Variants in UNC119B observed in about 807,000 individuals in gnomAD.
UNC119B encodes the protein unc-119 lipid binding chaperone B.
In UNC119B, 16 loss-of-function variants were observed where a neutral mutation model predicts 23.4. The observed-to-expected ratio is 0.68, with a 90% confidence interval of 0.46 to 1.04. UNC119B has a LOEUF of 1.04. Among genes scored for constraint, UNC119B ranks in the 50% least tolerant of loss-of-function variants. The probability of loss-of-function intolerance (pLI) is 0.00; values close to 1 mark genes in which losing one functional copy is unlikely to be tolerated. For synonymous variants in UNC119B, 144 were observed against 145.4 expected (o/e 0.99, Z 0.07); for missense variants, 350 against 361.3 (o/e 0.97, Z 0.25).
At chr12:120,711,043 G>C in intron 1 of UNC119B, 1 of 209,800 alleles carries the variant, frequency 4.8e-6, no homozygotes, top group Non-Finnish European at 9.4e-6. Context: ...TGAGCCGGCC[G>C]GGGGCCGAGG....
intron 4 of UNC119B, 80 bp downstream of exon 4, chr12:120,717,122 G>A (rs1592928054): frequency 2.1e-6 from 3 of 1,412,192 alleles, no homozygotes; most frequent in East Asian, 2.3e-5. Context: ...CTGGTCCAGC[G>A]CCCTGGCATT....
At chr12:120,715,251 A>C (rs1156793539) in intron 2 of UNC119B, among the ~76,000 whole-genome samples, 2 of 152,220 alleles carry the variant, frequency 1.3e-5, no homozygotes, top group East Asian at 3.9e-4. Context: ...ACCTTTCTGC[A>C]GCACTTGTTC....
In UNC119B at chr12:120,713,304, A is replaced by G. The variant is rs756097983; in HGVS notation, c.275A>G (p.Tyr92Cys). Residue 92 changes from tyrosine to cysteine, a missense_variant, in exon 2 of 5, where the codon TAC becomes TGC. Coordinates refer to ENST00000344651, the MANE Select transcript of UNC119B (RefSeq NM_001080533.3). ...TTATGTAAACCCGAAGACAACATCTACAGTATTGATTTCACCCGCTTCAAA... is the reference window on the plus strand; with the variant it reads ...TTATGTAAACCCGAAGACAACATCTGCAGTATTGATTTCACCCGCTTCAAA... The part of the protein sequence containing the change: ...NYLCKPEDNI[Y>C]SIDFTRFKIR... The G allele has an allele frequency of 1.2e-6, 2 of 1,613,948 alleles. No individual in the cohort carries two copies. The highest frequency in any genetic ancestry group is 2.2e-5 in the East Asian group (1 of 44,890).
chr12:120,717,370 A>G (rs544270820), intron 4 of UNC119B, among the ~76,000 whole-genome samples: 18 of 151,736 alleles, frequency 1.2e-4, no homozygotes, highest in African/African-American at 4.1e-4. Context: ...CCCAGGTTCA[A>G]GCGATTCTCC....
Position 120,723,321 on chromosome 12 carries a change from A to AT in UNC119B, c.*3291dup, listed in dbSNP as rs1217385848. Reference sequence around the variant, plus strand: ...GGTGTAGGAGCCTAATCATTGAACCATTGTGTTACTCACATTCCATGTCAC... The same window carrying AT: ...GGTGTAGGAGCCTAATCATTGAACCATTTGTGTTACTCACATTCCATGTCAC... On this transcript the variant is annotated 3_prime_UTR_variant, in exon 5 of 5. Transcript: ENST00000344651. 1.3e-5 allele frequency: 2 copies of AT among 154,122 alleles called. No homozygotes were observed. The highest frequency in any genetic ancestry group is 4.8e-5 in the African/African-American group (2 of 41,486). The allele number at this position is 154,122 out of a possible 1,614,324, so 9.5% of individuals were successfully genotyped here. A position where few individuals can be genotyped will look rare whatever the true frequency, so the allele number is the denominator to read the frequency against.
intron 4 of UNC119B, among the ~76,000 whole-genome samples, chr12:120,719,033 T>G (rs1361776811): frequency 6.6e-6 from 1 of 152,238 alleles, no homozygotes; most frequent in Admixed American, 6.5e-5. Context: ...GGCAATATTA[T>G]GCATATAAAC....
rs912713464 is a variant in UNC119B, at chr12:120,720,772, T to C, written c.*740T>C. ...GCTCCACATCTCCTGGCTCCTCCCT[T>C]CTGAGTCTCATGAAATAGAATGAGT... On this transcript the variant is annotated 3_prime_UTR_variant, in exon 5 of 5. Transcript: ENST00000344651. 6.6e-6 allele frequency: 1 copy of C among 152,256 alleles called. No homozygotes were observed. The allele number at this position is 152,256 out of a possible 1,614,324, so 9.4% of individuals were successfully genotyped here. A position where few individuals can be genotyped will look rare whatever the true frequency, so the allele number is the denominator to read the frequency against.
chr12:120,712,864 C>T (rs1195430950), intron 1 of UNC119B, among the ~76,000 whole-genome samples: 1 of 152,216 alleles, frequency 6.6e-6, no homozygotes, highest in Non-Finnish European at 1.5e-5. Context: ...CTTTCTTACA[C>T]TGACAGTTGG....
chr12:120,714,609 C>T (rs970972852), intron 2 of UNC119B, among the ~76,000 whole-genome samples: 5 of 152,090 alleles, frequency 3.3e-5, no homozygotes, highest in African/African-American at 9.7e-5. Flanking sequence ...TGAGCCACCG[C>T]GCCTGGTTGC....
chr12:120,714,618 G>A (rs1263071115), intron 2 of UNC119B, among the ~76,000 whole-genome samples: 3 of 152,066 alleles, frequency 2.0e-5, no homozygotes, highest in Non-Finnish European at 4.4e-5. Flanking sequence ...GCGCCTGGTT[G>A]CTTATGGGTA....
chr12:120,716,653 A>G lies in UNC119B; in HGVS notation c.384A>G (p.Gly128=), dbSNP rs764346218. The G allele has an allele frequency of 2.2e-5, 36 of 1,613,964 alleles. No homozygotes were observed. The highest frequency in any genetic ancestry group is 3.3e-4 in the Middle Eastern group (2 of 6,080). Residue 128 remains glycine, a synonymous_variant, in exon 3 of 5, where the codon GGA becomes GGG. Coordinates refer to ENST00000344651, the MANE Select transcript of UNC119B (RefSeq NM_001080533.3). ...VSDQEEDEEE[G]GGDVDISAGR... ...ACCAGGAGGAGGATGAGGAGGAGGG[A>G]GGTGGAGACGTGGACATCAGCGCAG...
At chr12:120,717,128 G>T in intron 4 of UNC119B, 86 bp downstream of exon 4, 1 of 1,366,714 alleles carries the variant, frequency 7.3e-7, no homozygotes, top group Non-Finnish European at 9.9e-7. Context: ...CAGCGCCCTG[G>T]CATTGTCTCG....
rs769021945 is a variant in UNC119B, at chr12:120,716,731, C to T, written c.462C>T (p.Val154=). 6.8e-6 allele frequency: 11 copies of T among 1,614,022 alleles called. No homozygotes were observed. Among genetic ancestry groups the T allele is most frequent in the Admixed American group, 1.7e-5 (1 of 60,020 alleles). The change falls in exon 3 of 5, where the codon GTC becomes GTT. Residue 154 remains valine, a synonymous_variant. Coordinates refer to ENST00000344651, the MANE Select transcript of UNC119B (RefSeq NM_001080533.3). ...CGGCATTTCTCCGCCTCCGGACAGT[C>T]GGGGCTACGTGAGTACCATTACTAC... The part of the protein sequence containing the change: ...FTPAFLRLRT[V]GATVEFTVGD...
In UNC119B at chr12:120,721,831, C is replaced by T. The variant is rs1191213297; in HGVS notation, c.*1799C>T. 1 of 152,700 alleles carries T rather than the reference C, an allele frequency of 6.5e-6. No individual in the cohort carries two copies. The highest frequency in any genetic ancestry group is 1.5e-5 in the Non-Finnish European group (1 of 68,070). 9.5% of individuals were successfully genotyped at this position (152,700 alleles called of 1,614,324 possible). Reference sequence around the variant, plus strand: ...ACGTGTGGCTCTGTCCCTTATGCTGCAGGGGAAAGCTGCATTGCCATTGTT... The same window carrying T: ...ACGTGTGGCTCTGTCCCTTATGCTGTAGGGGAAAGCTGCATTGCCATTGTT... On this transcript the variant is annotated 3_prime_UTR_variant, in exon 5 of 5. Transcript: ENST00000344651.
chr12:120,710,935 GAGT>G, intron 1 of UNC119B: 1 of 376,028 alleles, frequency 2.7e-6, no homozygotes, highest in Non-Finnish European at 4.4e-6. Flanking sequence ...GCATTCCTGT[GAGT>G]CCGGCCACGC....
intron 1 of UNC119B, chr12:120,710,976 C>CT (rs1882652948): frequency 3.2e-6 from 1 of 308,486 alleles, no homozygotes; most frequent in Non-Finnish European, 5.9e-6. Flanking sequence ...GGTCGGCTCC[C>CT]CAGCTCTGCC....
At chr12:120,713,722 C>T (rs1882716423) in intron 2 of UNC119B, among the ~76,000 whole-genome samples, 1 of 152,178 alleles carries the variant, frequency 6.6e-6, no homozygotes, top group Admixed American at 6.5e-5. Flanking sequence ...TTTCCTAAGG[C>T]CCTGTGCTGG....
At chr12:120,718,769 C>T (rs185011981) in intron 4 of UNC119B, among the ~76,000 whole-genome samples, 3 of 152,328 alleles carry the variant, frequency 2.0e-5, no homozygotes, top group Admixed American at 1.3e-4. Context: ...TTGCTGGCAT[C>T]ACTGATTGGT....
rs1237173122 is a variant in UNC119B, at chr12:120,723,528, A to G, written c.*3496A>G. On this transcript the variant is annotated 3_prime_UTR_variant, in exon 5 of 5. Transcript: ENST00000344651. ...TTCCTCCTCCTTCCCGCTTCCCCCA[A>G]AATCACATTCCAGTTTTTATTGTCT... 1.3e-5 allele frequency: 2 copies of G among 152,324 alleles called. No individual in the cohort carries two copies. The highest frequency in any genetic ancestry group is 2.9e-5 in the Non-Finnish European group (2 of 68,040). The allele number at this position is 152,324 out of a possible 1,614,324, so 9.4% of individuals were successfully genotyped here.
Sources: allele counts gnomAD v4.1 joint callset (sites outside exome capture counted in the v4.1 genomes callset), GRCh38; gene constraint gnomAD v4.1.1; transcripts MANE v1.5; gene names NCBI Gene and HGNC (gene_info 2026-07-23, HGNC 2026-07-21).